The following DNAJC27 variants were observed in gnomAD, a reference collection of about 807,000 sequenced individuals.
The protein encoded by DNAJC27 is DnaJ heat shock protein family (Hsp40) member C27.
A neutral mutation model predicts 31.4 loss-of-function variants in DNAJC27; 25 were observed. The observed-to-expected ratio is 0.80, with a 90% CI of 0.58 to 1.11. The LOEUF is 1.11. Among genes scored for constraint, DNAJC27 ranks in the 50% most tolerant of loss-of-function variants. The pLI, the probability that DNAJC27 is intolerant of heterozygous loss-of-function variation, is 0.00. For synonymous variants in DNAJC27, 106 were observed against 112.7 expected (o/e 0.94, Z 0.37); for missense variants, 356 against 347.3 (o/e 1.02, Z -0.20).
intron 4 of DNAJC27, 150 bp downstream of exon 4, chr2:24,957,660 T>C (rs1472272475): frequency 3.9e-6 from 3 of 778,384 alleles, no homozygotes; most frequent in Non-Finnish European, 6.1e-6. Context: ...TGCTGTGTTG[T>C]TTTGTTTTTG....
chr2:24,961,286 T>C (rs536171091), intron 3 of DNAJC27, among the ~76,000 whole-genome samples: 1 of 152,150 alleles, frequency 6.6e-6, no homozygotes, highest in Admixed American at 6.5e-5. Flanking sequence ...TGAGACCTAC[T>C]ACTCAGAAAA....
chr2:24,971,695 C>A (rs1347205587), intron 1 of DNAJC27, 123 bp downstream of exon 1: 5 of 811,148 alleles, frequency 6.2e-6, no homozygotes, highest in Non-Finnish European at 9.3e-6. Context: ...TCGGCTGAGA[C>A]CCGGGCCTGC....
intron 2 of DNAJC27, among the ~76,000 whole-genome samples, chr2:24,965,606 T>C (rs1407375735): frequency 2.0e-5 from 3 of 152,204 alleles, no homozygotes; most frequent in Non-Finnish European, 4.4e-5. Flanking sequence ...TGCCAAGAGC[T>C]ACAATTTTCA....
rs1665930978 is a variant in DNAJC27, at chr2:24,957,303, C to G, written c.406-138G>C. ...TGCCTGCACTAGTGTGTAAAATTAC[C>G]AGGACCAAAGGGACAGAAACAAAAC... On this transcript the variant is annotated intron_variant, in intron 4 of 6. Transcript: ENST00000264711. The G allele has an allele frequency of 3.1e-6, 3 of 963,518 alleles. No homozygotes were observed. The East Asian group carries it at 8.4e-5, about 27-fold the overall frequency. The allele number at this position is 963,518 out of a possible 1,614,324, so 59.7% of individuals were successfully genotyped here. A position where few individuals can be genotyped will look rare whatever the true frequency, so the allele number is the denominator to read the frequency against.
At chr2:24,968,258 T>C (rs1666239062) in intron 1 of DNAJC27, among the ~76,000 whole-genome samples, 1 of 152,196 alleles carries the variant, frequency 6.6e-6, no homozygotes, top group Admixed American at 6.5e-5. Context: ...TATGCAAATA[T>C]TCCCTCCATT....
chr2:24,952,876 C>T (rs1665812967), intron 5 of DNAJC27, among the ~76,000 whole-genome samples: 1 of 151,960 alleles, frequency 6.6e-6, no homozygotes, highest in South Asian at 2.1e-4. Flanking sequence ...TGCTTATGGC[C>T]TTTTCTTTTT....
At position 24,967,191 on chromosome 2, in the gene DNAJC27, C is replaced by G. The variant is rs1558557222; in HGVS notation, c.170+20G>C. ...TGAACTTCTATGTAACTTACAAACC[C>G]AGGGAAACAATATACTTACTTTGTG... is the stretch of plus-strand genomic sequence containing the variant. On this transcript the variant is annotated intron_variant, in intron 2 of 6. Transcript: ENST00000264711. The G allele has an allele frequency of 1.9e-6, 3 of 1,596,348 alleles. No homozygotes were observed. The Admixed American group carries it at 5.0e-5, about 27-fold the overall frequency.
intron 2 of DNAJC27, among the ~76,000 whole-genome samples, chr2:24,966,718 A>G (rs756651796): frequency 2.0e-5 from 3 of 151,976 alleles, no homozygotes; most frequent in Admixed American, 2.0e-4. Flanking sequence ...CGGCCTCCCA[A>G]CGTGCTGGGA....
chr2:24,971,786 G>A (rs1666347278), intron 1 of DNAJC27, 32 bp downstream of exon 1: 2 of 1,573,920 alleles, frequency 1.3e-6, no homozygotes, highest in Admixed American at 1.8e-5. Context: ...CCGCCACGCT[G>A]GGGCCCGCCC....
Position 24,957,806 on chromosome 2 carries a change from T to C in DNAJC27, c.405+4A>G. ...TCTGAACACACCATTTCCAGAGGGGTTACCTTGTTGGCACAAACTACAAAT... is the reference window on the plus strand; with the variant it reads ...TCTGAACACACCATTTCCAGAGGGGCTACCTTGTTGGCACAAACTACAAAT... On this transcript the variant is annotated splice_donor_region_variant and intron_variant, in intron 4 of 6. Coordinates refer to ENST00000264711, the MANE Select transcript of DNAJC27 (RefSeq NM_016544.3). 6.2e-7 allele frequency: 1 copy of C among 1,613,732 alleles called. No individual in the cohort carries two copies. The highest frequency in any genetic ancestry group is 1.3e-5 in the African/African-American group (1 of 75,040).
At chr2:24,967,095 C>A (rs1256303407) in intron 2 of DNAJC27, 116 bp downstream of exon 2, 5 of 750,800 alleles carry the variant, frequency 6.7e-6, no homozygotes, top group South Asian at 1.7e-5. Flanking sequence ...CCCAACTTAT[C>A]TTCAAAGTCT....
intron 1 of DNAJC27, chr2:24,969,394 A>G: frequency 5.6e-6 from 1 of 179,752 alleles, no homozygotes; most frequent in South Asian, 1.1e-4. Flanking sequence ...AAGCTCTCAT[A>G]GACATCCAAG....
chr2:24,951,710 C>T (rs1020287515), intron 5 of DNAJC27, among the ~76,000 whole-genome samples, 156 bp from the exon 6 acceptor site: 44 of 151,714 alleles, frequency 2.9e-4, no homozygotes, highest in African/African-American at 1.0e-3. Context: ...TTCTTTTATA[C>T]TATTTAAATA....
At chr2:24,971,731 C>G in intron 1 of DNAJC27, 87 bp downstream of exon 1, 1 of 1,229,672 alleles carries the variant, frequency 8.1e-7, no homozygotes, top group Non-Finnish European at 1.1e-6. Flanking sequence ...AGGCCGGGCC[C>G]CAGGCTGTTG....
chr2:24,948,173 A>G (rs947929318), intron 6 of DNAJC27, among the ~76,000 whole-genome samples: 1 of 152,184 alleles, frequency 6.6e-6, no homozygotes, highest in South Asian at 2.1e-4. Context: ...CGAACACAGC[A>G]CAGACGGGAA....
intron 2 of DNAJC27, among the ~76,000 whole-genome samples, chr2:24,964,304 C>A (rs1666123501): frequency 6.6e-6 from 1 of 151,750 alleles, no homozygotes; most frequent in Non-Finnish European, 1.5e-5. Context: ...CACCTGTAGT[C>A]CCAGCTACTC....
rs1558549332 is a variant in DNAJC27, at chr2:24,947,396, G to C, written c.*220C>G. 4 of 447,026 alleles carry C rather than the reference G, an allele frequency of 8.9e-6. No homozygotes were observed. The highest frequency in any genetic ancestry group is 5.8e-5 in the African/African-American group (3 of 51,602). 27.7% of individuals were successfully genotyped at this position (447,026 alleles called of 1,614,324 possible). ...TCAGAATTATCTAGAAATATGAAATGAAGTACAGGGTGTGACGCTCAGTTC... is the reference window on the plus strand; with the variant it reads ...TCAGAATTATCTAGAAATATGAAATCAAGTACAGGGTGTGACGCTCAGTTC... On this transcript the variant is annotated 3_prime_UTR_variant, in exon 7 of 7. Transcript: ENST00000264711.
At chr2:24,965,639 A>C (rs1163097763) in intron 2 of DNAJC27, among the ~76,000 whole-genome samples, 1 of 152,202 alleles carries the variant, frequency 6.6e-6, no homozygotes. Context: ...AATTTGCAGA[A>C]ATACCCTCTG....
Position 24,946,675 on chromosome 2 carries a change from C to CA in DNAJC27, c.*940_*941insT, listed in dbSNP as rs1558549020. 1 of 146,932 alleles carries CA rather than the reference C, an allele frequency of 6.8e-6. No individual in the cohort carries two copies. Among genetic ancestry groups the CA allele is most frequent in the African/African-American group, 2.5e-5 (1 of 40,258 alleles). 9.1% of individuals were successfully genotyped at this position (146,932 alleles called of 1,614,324 possible). A position where few individuals can be genotyped will look rare whatever the true frequency, so the allele number is the denominator to read the frequency against. The stretch of plus-strand genomic sequence containing the variant: ...ATCTTTAAGTGCGACCTCTAAGTAC[C>CA]TTTTTTTTTTTTCTTTAAGAGACAA... On this transcript the variant is annotated 3_prime_UTR_variant, in exon 7 of 7. Coordinates refer to ENST00000264711, the MANE Select transcript of DNAJC27 (RefSeq NM_016544.3).
Sources: gnomAD v4.1 joint callset for allele counts (sites outside exome capture counted in the v4.1 genomes callset) on GRCh38, gnomAD v4.1.1 for gene constraint, MANE v1.5 for transcripts, NCBI Gene and HGNC (gene_info 2026-07-23, HGNC 2026-07-21) for gene names.